Variants in PHF2 observed in about 807,000 individuals in gnomAD.
PHF2 encodes PHD finger protein 2.
PHF2 carries 27 observed loss-of-function variants against 120.5 expected under a neutral mutation model. The observed-to-expected ratio is 0.22, with a 90% CI of 0.17 to 0.31. The LOEUF is 0.31. Ranked by LOEUF, PHF2 falls within the 10% of genes least tolerant of loss-of-function variation. The probability of loss-of-function intolerance (pLI) is 1.00; values close to 1 mark genes in which losing one functional copy is unlikely to be tolerated. For missense variants in PHF2, 1,024 were observed against 1,434.8 expected (o/e 0.71, Z 4.63); for synonymous variants, 568 against 592.5 (o/e 0.96, Z 0.60).
In PHF2 at chr9:93,630,064, C is replaced by T. The variant is rs1342392717; in HGVS notation, c.184+9C>T. 11 of 1,612,216 alleles carry T rather than the reference C, an allele frequency of 6.8e-6. No individual in the cohort carries two copies. Among genetic ancestry groups the T allele is most frequent in the Middle Eastern group, 2.0e-4 (1 of 4,882 alleles). On this transcript the variant is annotated intron_variant, in intron 2 of 21. Coordinates refer to ENST00000359246, the MANE Select transcript of PHF2 (RefSeq NM_005392.4). ...CCATGGGAAGTCCACCTGTAAGTAC[C>T]GCAGCCCAAGCGGCCATCTCTTGCG...
chr9:93,627,369 T>G (rs146314843), intron 1 of PHF2, among the ~76,000 whole-genome samples: 302 of 152,302 alleles, frequency 2.0e-3, no homozygotes, highest in African/African-American at 7.1e-3. Context: ...ATTTATTTGT[T>G]AGGTATAGAA....
chr9:93,586,676 C>T (rs1388463197), intron 1 of PHF2, among the ~76,000 whole-genome samples: 1 of 152,282 alleles, frequency 6.6e-6, no homozygotes, highest in African/African-American at 2.4e-5. Flanking sequence ...TGCTAGGAGT[C>T]AAGAGGTTTG....
At chr9:93,606,108 GCTGAGACT>G (rs1309607231) in intron 1 of PHF2, among the ~76,000 whole-genome samples, 1 of 152,020 alleles carries the variant, frequency 6.6e-6, no homozygotes, top group Non-Finnish European at 1.5e-5. Flanking sequence ...TAAGTAAGTA[GCTGAGACT>G]CTGCCACCGT....
intron 12 of PHF2, among the ~76,000 whole-genome samples, 170 bp downstream of exon 12, chr9:93,660,730 C>G (rs577200499): frequency 3.0e-4 from 45 of 152,322 alleles, no homozygotes; most frequent in African/African-American, 1.1e-3. Context: ...CCAGAAGATG[C>G]ACTTCCTTGC....
chr9:93,594,656 T>C (rs1459301032), intron 1 of PHF2, among the ~76,000 whole-genome samples: 1 of 152,164 alleles, frequency 6.6e-6, no homozygotes, highest in Non-Finnish European at 1.5e-5. Context: ...CTGCTCCCAG[T>C]GACAGCATGA....
intron 1 of PHF2, among the ~76,000 whole-genome samples, chr9:93,607,563 G>A (rs1825563736): frequency 6.6e-6 from 1 of 151,104 alleles, no homozygotes; most frequent in Non-Finnish European, 1.5e-5. Flanking sequence ...GATTACAGGT[G>A]TGAGCCACTG....
intron 1 of PHF2, among the ~76,000 whole-genome samples, chr9:93,629,251 A>G (rs1825959754): frequency 6.6e-6 from 1 of 151,958 alleles, no homozygotes; most frequent in Non-Finnish European, 1.5e-5. Context: ...AAGCATTTCC[A>G]TTTTGCTGGG....
chr9:93,644,007 C>G (rs1342489113), intron 3 of PHF2, among the ~76,000 whole-genome samples: 1 of 152,196 alleles, frequency 6.6e-6, no homozygotes, highest in African/African-American at 2.4e-5. Flanking sequence ...TCCTGATGCT[C>G]TCTGTGCCCC....
rs191910773 is a variant in PHF2 at position 93,658,795 on chromosome 9, C to T, written c.1239+559C>T. Among the ~76,000 whole-genome samples the T allele has an allele frequency of 7.4e-4, 113 of 152,248 alleles. 1 individual carries two copies. In the East Asian group the frequency reaches 0.018, roughly 24 times the overall value. On this transcript the variant is annotated intron_variant, in intron 10 of 21. Transcript: ENST00000359246. Reference sequence around the variant, plus strand: ...ACCCCAGCCACCTTGCTCTGTGACCCGGGCAGCCCCTCCCTGTGACTCTTA... The same window carrying T: ...ACCCCAGCCACCTTGCTCTGTGACCTGGGCAGCCCCTCCCTGTGACTCTTA...
At chr9:93,624,054 A>G (rs1825867361) in intron 1 of PHF2, among the ~76,000 whole-genome samples, 1 of 152,262 alleles carries the variant, frequency 6.6e-6, no homozygotes. Flanking sequence ...TACTATCCTT[A>G]GTGAATGAAT....
chr9:93,608,928 G>A (rs532630001), intron 1 of PHF2, among the ~76,000 whole-genome samples: 9 of 151,596 alleles, frequency 5.9e-5, no homozygotes, highest in East Asian at 1.9e-4. Flanking sequence ...AATATATACC[G>A]TATTTGTTAC....
chr9:93,636,871 C>G (rs1826102103), intron 3 of PHF2, among the ~76,000 whole-genome samples: 1 of 152,260 alleles, frequency 6.6e-6, no homozygotes, highest in Non-Finnish European at 1.5e-5. Flanking sequence ...CTTCCTCTGC[C>G]CACAAGCATG....
chr9:93,576,933 C>G, intron 1 of PHF2, 62 bp downstream of exon 1: 1 of 710,236 alleles, frequency 1.4e-6, no homozygotes, highest in Non-Finnish European at 1.7e-6. Context: ...CCCGACCGAG[C>G]CCCGCGCCCC....
chr9:93,579,686 G>C (rs1000095901), intron 1 of PHF2, among the ~76,000 whole-genome samples: 1 of 152,226 alleles, frequency 6.6e-6, no homozygotes, highest in Non-Finnish European at 1.5e-5. Context: ...ACAACTGTTA[G>C]AGTAAAATGC....
chr9:93,628,935 T>C (rs1432674771), intron 1 of PHF2, among the ~76,000 whole-genome samples: 18 of 152,158 alleles, frequency 1.2e-4, no homozygotes, highest in Admixed American at 1.2e-3. Context: ...CTCATTCTGT[T>C]GCCCAGGCTG....
At chr9:93,592,334 G>T (rs1005552285) in intron 1 of PHF2, among the ~76,000 whole-genome samples, 1 of 152,122 alleles carries the variant, frequency 6.6e-6, no homozygotes, top group African/African-American at 2.4e-5. Flanking sequence ...ACTCAGGGCG[G>T]GCCCATTCTT....
intron 1 of PHF2, among the ~76,000 whole-genome samples, chr9:93,618,885 A>AATGTGTGTGGCTGCGTGTGTGG (rs1825776432): frequency 8.7e-4 from 1 of 1,150 alleles, no homozygotes; most frequent in African/African-American, 3.8e-3. Context: ...GTGTTTGCAT[A>AATGTGTGTGGCTGCGTGTGTGG]TGTTTGTGTG....
At chr9:93,663,725 CCACA>C (rs1367892807) in intron 14 of PHF2, 90 bp downstream of exon 14, 1 of 717,642 alleles carries the variant, frequency 1.4e-6, no homozygotes, top group Non-Finnish European at 2.5e-6. Flanking sequence ...CTGCCTTATA[CCACA>C]CACACATTAC....
At chr9:93,644,629 C>T (rs552163836) in intron 3 of PHF2, among the ~76,000 whole-genome samples, 3 of 152,280 alleles carry the variant, frequency 2.0e-5, no homozygotes, top group South Asian at 2.1e-4. Flanking sequence ...CTGCTCACAA[C>T]TGTGCCCATC....
Sources: allele counts gnomAD v4.1 joint callset (sites outside exome capture counted in the v4.1 genomes callset), GRCh38; gene constraint gnomAD v4.1.1; transcripts MANE v1.5; gene names NCBI Gene and HGNC (gene_info 2026-07-23, HGNC 2026-07-21).